The following SGMS1 variants were observed in gnomAD, a reference collection of about 807,000 sequenced individuals.
SGMS1 encodes sphingomyelin synthase 1.
In SGMS1, 13 loss-of-function variants were observed where a neutral mutation model predicts 46.2. The observed-to-expected ratio is 0.28, with a 90% confidence interval of 0.18 to 0.45. The LOEUF (loss-of-function observed/expected upper bound fraction) is 0.45, where lower values mean the gene tolerates loss of function less well. Ranked by LOEUF, SGMS1 falls within the 20% of genes least tolerant of loss-of-function variation. The probability of loss-of-function intolerance (pLI) is 1.00; values close to 1 mark genes in which losing one functional copy is unlikely to be tolerated. For synonymous variants in SGMS1, 203 were observed against 187.8 expected (o/e 1.08, Z -0.66); for missense variants, 324 against 519.9 (o/e 0.62, Z 3.66).
At chr10:50,459,882 G>C (rs570570773) in intron 5 of SGMS1, 1 of 152,088 alleles carries the variant, frequency 6.6e-6, no homozygotes, top group African/African-American at 2.4e-5. Context: ...TGCAAAATGG[G>C]ACTTGCTTAA....
chr10:50,435,751 AAAAC>A (rs560542289), intron 5 of SGMS1, among the ~76,000 whole-genome samples: 5 of 152,176 alleles, frequency 3.3e-5, no homozygotes, highest in South Asian at 4.1e-4. Context: ...AGTTATGTTA[AAAAC>A]AAACAAACAA....
chr10:50,501,794 G>A (rs925604042), intron 3 of SGMS1, among the ~76,000 whole-genome samples: 5 of 151,932 alleles, frequency 3.3e-5, no homozygotes, highest in African/African-American at 1.2e-4. Flanking sequence ...TAGACAATGT[G>A]GTAAGATGTT....
At chr10:50,557,520 T>G (rs997282155) in intron 2 of SGMS1, among the ~76,000 whole-genome samples, 4 of 151,976 alleles carry the variant, frequency 2.6e-5, no homozygotes, top group Admixed American at 2.6e-4. Context: ...TGTTTTGCTT[T>G]GGCAAACAAA....
At chr10:50,457,020 T>G (rs889798062) in intron 5 of SGMS1, among the ~76,000 whole-genome samples, 5 of 152,220 alleles carry the variant, frequency 3.3e-5, no homozygotes, top group Non-Finnish European at 4.4e-5. Context: ...GATATCATTA[T>G]GAAAACTAGT....
At position 50,623,941 on chromosome 10, in the gene SGMS1, G is replaced by A; in HGVS notation, c.-918C>T. On this transcript the variant is annotated 5_prime_UTR_variant, in exon 1 of 11. Coordinates refer to ENST00000361781, the MANE Select transcript of SGMS1 (RefSeq NM_147156.4). ...GTGCGAACGCTTTCGACTTGCCACC[G>A]CGAGCCTCCCGGGCTGCCGAGCATG... is the stretch of plus-strand genomic sequence containing the variant. 1.0e-6 allele frequency: 1 copy of A among 986,168 alleles called. No homozygotes were observed. The highest frequency in any genetic ancestry group is 5.2e-4 in the Middle Eastern group (1 of 1,922). The allele number at this position is 986,168 out of a possible 1,614,324, so 61.1% of individuals were successfully genotyped here. A position where few individuals can be genotyped will look rare whatever the true frequency, so the allele number is the denominator to read the frequency against.
intron 3 of SGMS1, among the ~76,000 whole-genome samples, chr10:50,491,360 T>C (rs1184563426): frequency 6.6e-6 from 1 of 152,010 alleles, no homozygotes; most frequent in African/African-American, 2.4e-5. Context: ...CTCTTAAAAA[T>C]AAATAAATAA....
intron 1 of SGMS1, among the ~76,000 whole-genome samples, chr10:50,605,025 C>T (rs146891418): frequency 6.8e-4 from 103 of 152,304 alleles, no homozygotes; most frequent in African/African-American, 2.4e-3. Flanking sequence ...AGGCCTATAA[C>T]GGTACAAAAC....
chr10:50,404,033 T>C (rs1007152032), intron 6 of SGMS1, among the ~76,000 whole-genome samples: 12 of 151,906 alleles, frequency 7.9e-5, no homozygotes, highest in Admixed American at 4.6e-4. Context: ...TGAAATAGGA[T>C]GAATTTTCCT....
intron 5 of SGMS1, among the ~76,000 whole-genome samples, chr10:50,439,810 G>A (rs1228169187): frequency 6.6e-6 from 1 of 152,038 alleles, no homozygotes; most frequent in Non-Finnish European, 1.5e-5. Context: ...AAATGAATAG[G>A]GAAGAAAATT....
intron 2 of SGMS1, among the ~76,000 whole-genome samples, chr10:50,547,098 T>C (rs1041365108): frequency 1.3e-5 from 2 of 152,164 alleles, no homozygotes; most frequent in African/African-American, 4.8e-5. Flanking sequence ...TCTATATCAC[T>C]AAATTAATTT....
intron 7 of SGMS1, among the ~76,000 whole-genome samples, chr10:50,336,836 G>C (rs1292868508): frequency 1.3e-5 from 2 of 152,208 alleles, no homozygotes. Context: ...TTGTTTTAAG[G>C]GTTGATTGTA....
intron 2 of SGMS1, among the ~76,000 whole-genome samples, chr10:50,533,209 T>C (rs1837970614): frequency 6.6e-6 from 1 of 152,206 alleles, no homozygotes; most frequent in Non-Finnish European, 1.5e-5. Context: ...ACCGAAATCT[T>C]TGACAAAGAT....
At chr10:50,340,624 G>C (rs1847802072) in intron 7 of SGMS1, 1 of 152,016 alleles carries the variant, frequency 6.6e-6, no homozygotes, top group African/African-American at 2.4e-5. Flanking sequence ...GAGACATTAA[G>C]AATGAAAGGA....
intron 2 of SGMS1, among the ~76,000 whole-genome samples, chr10:50,575,489 T>TG (rs1427683383): frequency 6.6e-6 from 1 of 152,042 alleles, no homozygotes; most frequent in Non-Finnish European, 1.5e-5. Context: ...CAGGCTGCAG[T>TG]GAGCTATGAT....
intron 5 of SGMS1, among the ~76,000 whole-genome samples, chr10:50,450,856 A>G (rs955113103): frequency 6.6e-6 from 1 of 151,958 alleles, no homozygotes; most frequent in Non-Finnish European, 1.5e-5. Context: ...ATTTATTAAA[A>G]ATATCATTGA....
chr10:50,590,933 T>C (rs759942677), intron 1 of SGMS1, among the ~76,000 whole-genome samples: 1 of 152,130 alleles, frequency 6.6e-6, no homozygotes, highest in Non-Finnish European at 1.5e-5. Context: ...TGAGATTTAC[T>C]CTGACCTTGG....
intron 2 of SGMS1, among the ~76,000 whole-genome samples, chr10:50,533,326 G>GT (rs371797836): frequency 4.6e-5 from 7 of 152,038 alleles, no homozygotes; most frequent in South Asian, 2.1e-4. Flanking sequence ...GGATTAAAGG[G>GT]TTTTTTTCCC....
intron 2 of SGMS1, among the ~76,000 whole-genome samples, chr10:50,525,689 T>C (rs1257323549): frequency 6.6e-6 from 1 of 152,210 alleles, no homozygotes; most frequent in African/African-American, 2.4e-5. Context: ...AAGTTTTGTC[T>C]AGGGAAAACA....
chr10:50,500,525 G>A (rs1466642346), intron 3 of SGMS1, among the ~76,000 whole-genome samples: 4 of 152,160 alleles, frequency 2.6e-5, no homozygotes, highest in Admixed American at 2.0e-4. Context: ...CCCTCTATGA[G>A]TGTGTGTGCC....
Sources: gnomAD v4.1 joint callset for allele counts (sites outside exome capture counted in the v4.1 genomes callset) on GRCh38, gnomAD v4.1.1 for gene constraint, MANE v1.5 for transcripts, NCBI Gene and HGNC (gene_info 2026-07-23, HGNC 2026-07-21) for gene names.